Variants in DMD observed in about 807,000 individuals in gnomAD.
DMD encodes the protein dystrophin.
In DMD, 63 loss-of-function variants were observed where a neutral mutation model predicts 330.1. That is an observed-to-expected ratio of 0.19 (90% CI 0.16 to 0.24). The LOEUF (loss-of-function observed/expected upper bound fraction) is 0.24, where lower values mean the gene tolerates loss of function less well. DMD is among the 10% of genes least tolerant of loss of function. DMD has a pLI of 1.00. For missense variants in DMD, 3,344 were observed against 2,684.1 expected, an observed-to-expected ratio of 1.25 and a Z score of -5.43; for synonymous variants, 1,223 against 959.8, an observed-to-expected ratio of 1.27 and a Z score of -5.07.
At chrX:31,926,283 G>A (rs760562374) in intron 47 of DMD, among the ~76,000 whole-genome samples, 2 of 111,441 alleles carry the variant, frequency 1.8e-5, no homozygotes, top group Non-Finnish European at 3.8e-5. Flanking sequence ...ATAAATTTAC[G>A]CTAATGGCTA....
rs1276784956 is a variant in DMD at position 31,120,229 on chromosome X, TAGCTTTTCCTCTTG to T, written c.*1676_*1689del. The T allele has an allele frequency of 8.9e-6, 1 of 112,418 alleles. No homozygotes were observed. Among genetic ancestry groups the T allele is most frequent in the African/African-American group, 3.2e-5 (1 of 30,902 alleles). 9.3% of individuals were successfully genotyped at this position (112,418 alleles called of 1,213,427 possible). A position where few individuals can be genotyped will look rare whatever the true frequency, so the allele number is the denominator to read the frequency against. ...AGTAAAGCTTTTTCCTACCAGTCCT[TAGCTTTTCCTCTTG>T]AGCTTTTCTCCTCTTTTTTGAGCAA... On this transcript the variant is annotated 3_prime_UTR_variant, in exon 79 of 79. Transcript: ENST00000357033.
chrX:33,077,686 T>C (rs1199582443), intron 1 of DMD, among the ~76,000 whole-genome samples: 1 of 112,024 alleles, frequency 8.9e-6, no homozygotes, highest in Non-Finnish European at 1.9e-5. Context: ...TAGCCTACTA[T>C]AAGGTATAAT....
intron 15 of DMD, among the ~76,000 whole-genome samples, chrX:32,568,281 G>A (rs1044709639): frequency 4.5e-5 from 5 of 111,551 alleles, no homozygotes; most frequent in African/African-American, 6.5e-5. Context: ...AGGCTGAGGC[G>A]GGCGGATCAC....
At chrX:32,710,316 A>T (rs1191079728) in intron 7 of DMD, among the ~76,000 whole-genome samples, 1 of 110,914 alleles carries the variant, frequency 9.0e-6, no homozygotes, top group African/African-American at 3.3e-5. Context: ...CCTTGGATAA[A>T]GTTAAGCATA....
chrX:33,245,175 C>T (rs1380357731), intron 1 of DMD, among the ~76,000 whole-genome samples: 1 of 110,455 alleles, frequency 9.1e-6, no homozygotes, highest in Non-Finnish European at 1.9e-5. Flanking sequence ...GACATTTTTG[C>T]TCCTTCAGTA....
chrX:32,654,065 T>A (rs1284950652), intron 9 of DMD, among the ~76,000 whole-genome samples: 1 of 111,384 alleles, frequency 9.0e-6, no homozygotes, highest in Non-Finnish European at 1.9e-5. Flanking sequence ...GACAATGGGG[T>A]TTTCTAGATA....
At chrX:32,449,223 T>C (rs778791422) in intron 26 of DMD, among the ~76,000 whole-genome samples, 1 of 110,899 alleles carries the variant, frequency 9.0e-6, no homozygotes, top group East Asian at 2.8e-4. Context: ...CACCCAGCTA[T>C]GCCTTGGTCT....
chrX:32,653,635 A>C (rs772164547), intron 9 of DMD, among the ~76,000 whole-genome samples: 2 of 112,041 alleles, frequency 1.8e-5, no homozygotes, highest in South Asian at 7.4e-4. Flanking sequence ...TGACCTGGCA[A>C]TGTGGGCTCT....
Position 32,185,789 on chromosome X carries a change from A to C in DMD, c.6438+31127T>G, listed in dbSNP as rs769343699. Among the ~76,000 whole-genome samples, 8 of 110,719 alleles carry C rather than the reference A, an allele frequency of 7.2e-5. No individual in the cohort carries two copies. In the Admixed American group the frequency reaches 7.7e-4, roughly 11 times the overall value. On this transcript the variant is annotated intron_variant, in intron 44 of 78. Coordinates refer to ENST00000357033, the MANE Select transcript of DMD (RefSeq NM_004006.3). ...ACATCCAAAAAGTGTATAGCATGGA[A>C]AAATTCAATAATGTATAGCACAGAG...
At chrX:32,714,540 A>C (rs2065496621) in intron 7 of DMD, among the ~76,000 whole-genome samples, 1 of 111,452 alleles carries the variant, frequency 9.0e-6, no homozygotes, top group Non-Finnish European at 1.9e-5. Flanking sequence ...ATATATACAC[A>C]CCACATTATC....
rs1289841106 is a variant in DMD, at chrX:32,944,430, T to C, written c.93+75709A>G. ...TTGAATATTTGTTCAAGGTGAAATT[T>C]AATTCACTGCATTGTGTAAAGCAGG... is the stretch of plus-strand genomic sequence containing the variant. On this transcript the variant is annotated intron_variant, in intron 2 of 78. Coordinates refer to ENST00000357033, the MANE Select transcript of DMD (RefSeq NM_004006.3). Among the ~76,000 whole-genome samples, 4 of 111,843 alleles carry C rather than the reference T, an allele frequency of 3.6e-5. No individual in the cohort carries two copies. In the East Asian group the frequency reaches 1.1e-3, roughly 32 times the overall value.
intron 2 of DMD, among the ~76,000 whole-genome samples, chrX:33,009,314 G>A (rs370946904): frequency 0.012 from 440 of 35,238 alleles, 136 homozygotes; most frequent in East Asian, 0.021. Context: ...ACACATGTGT[G>A]TATATGTGTA....
At chrX:32,729,094 C>A (rs765281013) in intron 7 of DMD, among the ~76,000 whole-genome samples, 1 of 111,957 alleles carries the variant, frequency 8.9e-6, no homozygotes, top group Non-Finnish European at 1.9e-5. Flanking sequence ...GGTTGAACAT[C>A]CCTAATAGGA....
chrX:31,646,719 C>T (rs987660239), intron 54 of DMD, among the ~76,000 whole-genome samples: 16 of 111,870 alleles, frequency 1.4e-4, no homozygotes, highest in African/African-American at 4.9e-4. Flanking sequence ...TGACCCAGGA[C>T]CATTAACTCT....
At chrX:31,452,028 ACAGACT>A (rs1231999747) in intron 59 of DMD, among the ~76,000 whole-genome samples, 2 of 110,067 alleles carry the variant, frequency 1.8e-5, no homozygotes, top group Non-Finnish European at 3.8e-5. Context: ...AAATAATGAA[ACAGACT>A]CAGAACTAAT....
At chrX:32,233,737 A>T (rs1603628809) in intron 43 of DMD, among the ~76,000 whole-genome samples, 3 of 108,415 alleles carry the variant, frequency 2.8e-5, no homozygotes, top group African/African-American at 1.0e-4. Flanking sequence ...GGTGGAAGAG[A>T]TTCTCTTGCC....
At chrX:33,041,348 G>T (rs752892408) in intron 1 of DMD, 340 of 1,162,653 alleles carry the variant, frequency 2.9e-4, no homozygotes, top group Non-Finnish European at 3.7e-4. Context: ...CGCCCTCCAC[G>T]GTTACCCCGG....
At chrX:31,716,686 T>C (rs187741533) in intron 52 of DMD, among the ~76,000 whole-genome samples, 326 of 111,390 alleles carry the variant, frequency 2.9e-3, no homozygotes, top group African/African-American at 0.01. Flanking sequence ...TTAAGTCCCA[T>C]GAGTCAATAA....
intron 50 of DMD, among the ~76,000 whole-genome samples, chrX:31,813,318 T>C (rs759019464): frequency 8.9e-6 from 1 of 112,048 alleles, no homozygotes; most frequent in East Asian, 2.8e-4. Context: ...TTTGGCTGTG[T>C]TCTCACCCAA....
Sources: gnomAD v4.1 joint callset for allele counts (sites outside exome capture counted in the v4.1 genomes callset) on GRCh38, gnomAD v4.1.1 for gene constraint, MANE v1.5 for transcripts, NCBI Gene and HGNC (gene_info 2026-07-23, HGNC 2026-07-21) for gene names.